Variants in UBE3D observed in about 807,000 individuals in gnomAD.
The protein encoded by UBE3D is ubiquitin protein ligase E3D, also known as E3 ubiquitin-protein ligase E3D.
Under a neutral mutation model 49.6 loss-of-function variants are expected in UBE3D, and 48 were observed. The ratio of observed to expected loss-of-function variants is 0.97; its 90% CI spans 0.77 to 1.23. The LOEUF is 1.23. UBE3D is among the 50% of genes most tolerant of loss of function. The probability of loss-of-function intolerance (pLI) is 0.00; values close to 1 mark genes in which losing one functional copy is unlikely to be tolerated. For missense variants in UBE3D, 452 were observed against 468.4 expected (o/e 0.96, Z 0.32); for synonymous variants, 189 against 174.2 (o/e 1.08, Z -0.67).
intron 9 of UBE3D, among the ~76,000 whole-genome samples, chr6:82,956,117 C>T (rs1344388409): frequency 6.6e-6 from 1 of 152,130 alleles, no homozygotes; most frequent in African/African-American, 2.4e-5. Context: ...ATAGGAAAAT[C>T]CACATCTTGT....
chr6:83,054,155 T>C lies in UBE3D; in HGVS notation c.358A>G (p.Lys120Glu), dbSNP rs1397065959. 3 of 1,613,476 alleles carry C rather than the reference T, an allele frequency of 1.9e-6. No individual in the cohort carries two copies. Among genetic ancestry groups the C allele is most frequent in the Admixed American group, 1.7e-5 (1 of 59,998 alleles). Residue 120 changes from lysine to glutamate, a missense_variant, in exon 3 of 10, where the codon AAA (lysine) becomes GAA (glutamate). Transcript: ENST00000369747. ...YCQSCGEVIIKDRKLLRVLPL... is the reference protein window; with the variant it reads ...YCQSCGEVIIEDRKLLRVLPL... ...GTTAAATATATTCCTTACCTGTCTT[T>C]TATTATGACTTCACCGCAGGATTGG...
chr6:83,032,568 G>A (rs1158109714), intron 5 of UBE3D, among the ~76,000 whole-genome samples: 1 of 152,230 alleles, frequency 6.6e-6, no homozygotes, highest in East Asian at 1.9e-4. Context: ...TTCAGTTAAT[G>A]CTGAAATGAG....
In UBE3D at chr6:82,967,181, C is replaced by T. The variant is rs530807685; in HGVS notation, c.1011-9731G>A. On this transcript the variant is annotated intron_variant, in intron 8 of 9. Transcript: ENST00000369747. ...TTGTTCTGAGATAATTGTAGAGTCA[C>T]ATGCATTTGTAAGAAATACAGAGAT... is the stretch of plus-strand genomic sequence containing the variant. 2.6e-5 allele frequency among the ~76,000 whole-genome samples: 4 copies of T among 152,288 alleles called. No homozygotes were observed. The South Asian group carries it at 8.3e-4, about 32-fold the overall frequency.
chr6:82,899,376 A>C (rs1434172469), intron 9 of UBE3D, among the ~76,000 whole-genome samples: 1 of 152,220 alleles, frequency 6.6e-6, no homozygotes, highest in Admixed American at 6.5e-5. Flanking sequence ...ACATTCCATA[A>C]GAACTTTTAA....
intron 8 of UBE3D, among the ~76,000 whole-genome samples, chr6:83,011,532 A>G (rs1191217772): frequency 6.6e-6 from 1 of 152,128 alleles, no homozygotes; most frequent in Admixed American, 6.5e-5. Flanking sequence ...GAGATGCCCT[A>G]ATGGATCTCC....
At chr6:82,982,861 G>A (rs1281296462) in intron 8 of UBE3D, among the ~76,000 whole-genome samples, 1 of 152,030 alleles carries the variant, frequency 6.6e-6, no homozygotes, top group Non-Finnish European at 1.5e-5. Flanking sequence ...TCACATATTT[G>A]GTTACTCTGA....
intron 8 of UBE3D, among the ~76,000 whole-genome samples, chr6:83,012,147 C>G (rs1488982068): frequency 6.6e-6 from 1 of 152,184 alleles, no homozygotes; most frequent in African/African-American, 2.4e-5. Flanking sequence ...AGAGGCAATG[C>G]TGTGTGGAAT....
chr6:83,012,946 C>G (rs1317018899), intron 8 of UBE3D, among the ~76,000 whole-genome samples: 1 of 152,126 alleles, frequency 6.6e-6, no homozygotes, highest in Non-Finnish European at 1.5e-5. Flanking sequence ...GTGAACTAGG[C>G]CCTAGTCTTC....
At chr6:82,932,629 G>A (rs772263882) in intron 9 of UBE3D, 2 of 152,210 alleles carry the variant, frequency 1.3e-5, no homozygotes, top group African/African-American at 4.8e-5. Context: ...GAATGGAAGT[G>A]TGGAAGAAGT....
chr6:82,957,023 G>A (rs528079974), intron 9 of UBE3D, among the ~76,000 whole-genome samples: 22 of 152,130 alleles, frequency 1.4e-4, no homozygotes, highest in African/African-American at 5.3e-4. Flanking sequence ...CAGCTACTCG[G>A]GAGGCTGAGG....
intron 8 of UBE3D, among the ~76,000 whole-genome samples, chr6:82,999,734 C>T (rs759631439): frequency 1.3e-5 from 2 of 152,082 alleles, no homozygotes; most frequent in Non-Finnish European, 2.9e-5. Flanking sequence ...CACCTGCCTA[C>T]CTTAAGTCAG....
intron 8 of UBE3D, among the ~76,000 whole-genome samples, chr6:83,003,716 A>C (rs1358481219): frequency 1.3e-5 from 2 of 152,194 alleles, no homozygotes; most frequent in Admixed American, 6.5e-5. Flanking sequence ...TATGTATCTA[A>C]ACATATCTAA....
chr6:82,959,943 A>G, intron 8 of UBE3D, among the ~76,000 whole-genome samples: 1 of 152,078 alleles, frequency 6.6e-6, no homozygotes, highest in African/African-American at 2.4e-5. Flanking sequence ...GACGGGAAAT[A>G]GTTAATCCTC....
intron 8 of UBE3D, among the ~76,000 whole-genome samples, chr6:82,983,155 G>GTTTTTTTTTT (rs5877831): frequency 2.2e-5 from 3 of 134,774 alleles, no homozygotes; most frequent in South Asian, 2.4e-4. Context: ...CTGGCTGAAA[G>GTTTTTTTTTT]TTTTTTTTTT....
chr6:82,959,813 G>A (rs764679355), intron 8 of UBE3D, among the ~76,000 whole-genome samples: 2 of 151,008 alleles, frequency 1.3e-5, no homozygotes, highest in Non-Finnish European at 2.9e-5. Flanking sequence ...AGTGACAGCT[G>A]GATGCCAGTC....
At chr6:82,986,282 C>T (rs922949613) in intron 8 of UBE3D, among the ~76,000 whole-genome samples, 1 of 151,580 alleles carries the variant, frequency 6.6e-6, no homozygotes, top group Admixed American at 6.6e-5. Context: ...ACCAGCCTGG[C>T]CAACATGGTG....
intron 5 of UBE3D, among the ~76,000 whole-genome samples, chr6:83,030,059 T>C (rs1335945744): frequency 2.0e-5 from 3 of 152,180 alleles, no homozygotes; most frequent in Non-Finnish European, 4.4e-5. Flanking sequence ...ATATAATAGA[T>C]ACTCCCTGCC....
the UBE3D span, among the ~76,000 whole-genome samples, chr6:82,887,389 G>GTTTTTGTTTTGTTTTTT: frequency 0.011 from 1,059 of 98,208 alleles, 94 homozygotes; most frequent in African/African-American, 0.051. Flanking sequence ...GACAGTAACA[G>GTTTTTGTTTTGTTTTTT]TTTTTTTTTT....
intron 4 of UBE3D, among the ~76,000 whole-genome samples, chr6:83,042,991 C>A (rs6926779): frequency 6.6e-6 from 1 of 152,214 alleles, no homozygotes; most frequent in African/African-American, 2.4e-5. Flanking sequence ...TGAAGAAAAT[C>A]TTTTCAACAG....
Sources: gnomAD v4.1 joint callset for allele counts (sites outside exome capture counted in the v4.1 genomes callset) on GRCh38, gnomAD v4.1.1 for gene constraint, MANE v1.5 for transcripts, NCBI Gene and HGNC (gene_info 2026-07-23, HGNC 2026-07-21) for gene names.